Variants in MAP3K21 observed in about 807,000 individuals in gnomAD.
MAP3K21 encodes the protein mitogen-activated protein kinase kinase kinase MLK4.
A neutral mutation model predicts 86.1 loss-of-function variants in MAP3K21; 63 were observed. The observed-to-expected ratio is 0.73, with a 90% confidence interval of 0.60 to 0.90. The LOEUF (loss-of-function observed/expected upper bound fraction) is 0.90, where lower values mean the gene tolerates loss of function less well. Among genes scored for constraint, MAP3K21 ranks in the 40% least tolerant of loss-of-function variants. The pLI is 0.00. For synonymous variants in MAP3K21, 558 were observed against 564.8 expected, an observed-to-expected ratio of 0.99 and a Z score of 0.17; for missense variants, 1,220 against 1,367.7, an observed-to-expected ratio of 0.89 and a Z score of 1.70.
intron 8 of MAP3K21, among the ~76,000 whole-genome samples, chr1:233,378,284 TG>T (rs1663837815): frequency 1.3e-5 from 2 of 152,276 alleles, no homozygotes; most frequent in African/African-American, 4.8e-5. Context: ...TTGTAACCTT[TG>T]GGATTCTGTA....
Position 233,379,201 on chromosome 1 carries a change from C to T in MAP3K21, c.2195C>T (p.Ser732Leu), listed in dbSNP as rs750067830. Residue 732 changes from serine (S) to leucine (L), a missense_variant, in exon 9 of 10, where the codon TCG (serine) becomes TTG (leucine). Ser to Leu is a moderately radical substitution (Grantham distance 145, BLOSUM62 -2). This residue lies in a region of MAP3K21 where 632 missense variants were observed against 691.3 expected (regional missense o/e 0.91). Transcript: ENST00000366624. ...TATGGGTGCACCGTCCTTCTGGCAT[C>T]GGTGGCTCTGGGACTGGACCTCAGA... is the stretch of plus-strand genomic sequence containing the variant. ...ALYGCTVLLA[S>L]VALGLDLREL... The T allele has an allele frequency of 4.2e-5, 67 of 1,614,046 alleles. No homozygotes were observed. Among genetic ancestry groups the T allele is most frequent in the Non-Finnish European group, 5.3e-5 (62 of 1,180,032 alleles).
chr1:233,356,065 C>T (rs4649305), intron 4 of MAP3K21, among the ~76,000 whole-genome samples: 42,029 of 151,988 alleles, frequency 0.28, 6,089 homozygotes, highest in Admixed American at 0.35. Flanking sequence ...CCTTGGCACA[C>T]GTTCTTTCCT....
intron 4 of MAP3K21, among the ~76,000 whole-genome samples, chr1:233,356,839 C>T (rs974263300): frequency 6.6e-6 from 1 of 152,172 alleles, no homozygotes; most frequent in African/African-American, 2.4e-5. Context: ...ACCAATTTTA[C>T]TATAGGCTGA....
At chr1:233,378,603 G>A (rs1254367455) in intron 8 of MAP3K21, among the ~76,000 whole-genome samples, 1 of 152,228 alleles carries the variant, frequency 6.6e-6, no homozygotes, top group African/African-American at 2.4e-5. Flanking sequence ...TAGTGATTTT[G>A]TGCCTATGGT....
In MAP3K21 at chr1:233,328,508, C is replaced by CGCG. The variant is rs752941231; in HGVS notation, c.489_491dup (p.Ala165dup). ...CGGCGCGCCAGGACCCGGAGCAGGACGCGGCGGCGGCTGCCGAGAGCGTGC... is the reference window on the plus strand; with the variant it reads ...CGGCGCGCCAGGACCCGGAGCAGGACGCGGCGGCGGCGGCTGCCGAGAGCGTGC... On this transcript the variant is annotated inframe_insertion, in exon 1 of 10. Transcript: ENST00000366624. This position sits in a 1 kb window ranked among gnomAD's most constrained non-coding sequence, Gnocchi z 8.7. The CGCG allele has an allele frequency of 6.6e-7, 1 of 1,525,316 alleles. No homozygotes were observed. Among genetic ancestry groups the CGCG allele is most frequent in the South Asian group, 1.2e-5 (1 of 82,430 alleles). The allele number at this position is 1,525,316 out of a possible 1,614,324, so 94.5% of individuals were successfully genotyped here. A position where few individuals can be genotyped will look rare whatever the true frequency, so the allele number is the denominator to read the frequency against.
intron 4 of MAP3K21, among the ~76,000 whole-genome samples, chr1:233,355,712 C>T (rs932589709): frequency 5.9e-5 from 9 of 152,130 alleles, no homozygotes; most frequent in Admixed American, 5.2e-4. Flanking sequence ...ACTGTTCTCC[C>T]AGGTACCCAG....
chr1:233,376,163 T>G, intron 7 of MAP3K21, 97 bp downstream of exon 7: 2 of 1,034,754 alleles, frequency 1.9e-6, no homozygotes. Context: ...AGCAAGTAAA[T>G]TAATAGAGAG....
intron 2 of MAP3K21, among the ~76,000 whole-genome samples, chr1:233,349,465 T>C (rs1188718335): frequency 2.0e-5 from 3 of 152,178 alleles, no homozygotes; most frequent in African/African-American, 7.2e-5. Flanking sequence ...TCATGCTCTA[T>C]AGCAACCTTG....
chr1:233,328,733 C>G lies in MAP3K21; in HGVS notation c.705C>G (p.His235Gln), dbSNP rs763384075. 4 of 1,456,410 alleles carry G rather than the reference C, an allele frequency of 2.7e-6. No individual in the cohort carries two copies. Among genetic ancestry groups the G allele is most frequent in the African/African-American group, 1.5e-5 (1 of 68,340 alleles). The allele number at this position is 1,456,410 out of a possible 1,614,324, so 90.2% of individuals were successfully genotyped here. Residue 235 changes from histidine to glutamine, a missense_variant, in exon 1 of 10, where the codon CAC (histidine) becomes CAG (glutamine). By Grantham distance (24) the His-to-Gln change is conservative. This residue lies in a region of MAP3K21 where 369 missense variants were observed against 385.3 expected (regional missense o/e 0.96). Coordinates refer to ENST00000366624, the MANE Select transcript of MAP3K21 (RefSeq NM_032435.3). This position sits in a 1 kb window ranked among gnomAD's most constrained non-coding sequence, Gnocchi z 8.7. ...GPRRARRIPP[H>Q]VLVNWAVQIA... ...GCCGCGCGCGCCGCATCCCTCCGCA[C>G]GTGCTGGTCAACTGGGCCGTGCAGA...
In MAP3K21 at chr1:233,354,843, G is replaced by C. The variant is rs769706439; in HGVS notation, c.1143G>C (p.Trp381Cys). Residue 381 changes from tryptophan (W) to cysteine (C), a missense_variant, in exon 4 of 10, where the codon TGG (tryptophan) becomes TGC (cysteine). This residue lies in a region of MAP3K21 where 126 missense variants were observed against 127.7 expected (regional missense o/e 0.99). Transcript: ENST00000366624. ...GATTTTTGTTTATTTTAGAATGCTGGCAACAAGACCCTCATATTCGTCCAT... is the reference window on the plus strand; with the variant it reads ...GATTTTTGTTTATTTTAGAATGCTGCCAACAAGACCCTCATATTCGTCCAT... ...EPFAKLMKECWQQDPHIRPSF... is the reference protein window; with the variant it reads ...EPFAKLMKECCQQDPHIRPSF... The C allele has an allele frequency of 5.6e-6, 9 of 1,613,566 alleles. No homozygotes were observed. The highest frequency in any genetic ancestry group is 1.3e-5 in the African/African-American group (1 of 74,934).
At position 233,328,975 on chromosome 1, in the gene MAP3K21, C is replaced by A; in HGVS notation, c.805+142C>A. The A allele has an allele frequency of 1.3e-6, 1 of 796,110 alleles. No individual in the cohort carries two copies. Among genetic ancestry groups the A allele is most frequent in the Non-Finnish European group, 1.7e-6 (1 of 586,984 alleles). 49.3% of individuals were successfully genotyped at this position (796,110 alleles called of 1,614,324 possible). A position where few individuals can be genotyped will look rare whatever the true frequency, so the allele number is the denominator to read the frequency against. The stretch of plus-strand genomic sequence containing the variant: ...AACTCATGCCCAGGCCTTCAGGGCT[C>A]GGAAGTCCAGCTAGTCCTTGGTTAC... On this transcript the variant is annotated intron_variant, in intron 1 of 9. Coordinates refer to ENST00000366624, the MANE Select transcript of MAP3K21 (RefSeq NM_032435.3). This position sits in a 1 kb window ranked among gnomAD's most constrained non-coding sequence, Gnocchi z 8.7.
rs1663480117 is a variant in MAP3K21, at chr1:233,362,288, C to T, written c.1547C>T (p.Pro516Leu). 1 of 1,613,886 alleles carries T rather than the reference C, an allele frequency of 6.2e-7. No individual in the cohort carries two copies. Among genetic ancestry groups the T allele is most frequent in the African/African-American group, 1.3e-5 (1 of 74,908 alleles). Residue 516 changes from proline to leucine, a missense_variant, in exon 5 of 10, where the codon CCT (proline) becomes CTT (leucine). Physicochemically the swap from Pro to Leu is moderately conservative, Grantham distance 98 (BLOSUM62 -3). Coordinates refer to ENST00000366624, the MANE Select transcript of MAP3K21 (RefSeq NM_032435.3). ...KLKDGHRISL[P>L]SDFQHKITVQ... The stretch of plus-strand genomic sequence containing the variant: ...AAAGATGGACATCGAATCAGTTTAC[C>T]TTCAGGTATGATCTTGTTTTTATGT...
rs1267825362 is a variant in MAP3K21 at position 233,376,470 on chromosome 1, A to G, written c.1867A>G (p.Ile623Val). ...LSDGNSPWST[I>V]LIKNQKTMPL... ...CGATGGCAACAGTCCTTGGTCAACT[A>G]TCTTAATAAAAAATCAGAAAACCAT... The change falls in exon 8 of 10, where the codon ATC becomes GTC. Residue 623 changes from isoleucine (I) to valine (V), a missense_variant. Physicochemically the swap from Ile to Val is conservative, Grantham distance 29. Transcript: ENST00000366624. 7 of 1,613,672 alleles carry G rather than the reference A, an allele frequency of 4.3e-6. No homozygotes were observed. Among genetic ancestry groups the G allele is most frequent in the East Asian group, 2.2e-5 (1 of 44,880 alleles).
chr1:233,360,305 CAT>C (rs1307325880), intron 4 of MAP3K21, among the ~76,000 whole-genome samples: 1 of 152,050 alleles, frequency 6.6e-6, no homozygotes, highest in African/African-American at 2.4e-5. Context: ...GATTTTTTAA[CAT>C]GTAACATTTT....
intron 1 of MAP3K21, among the ~76,000 whole-genome samples, chr1:233,332,500 C>T (rs953318086): frequency 6.6e-6 from 1 of 152,178 alleles, no homozygotes; most frequent in African/African-American, 2.4e-5. Context: ...AGGCCTCCCT[C>T]TGCTGTGCAC....
chr1:233,346,415 A>G (rs202086422), intron 1 of MAP3K21, 27 bp from the exon 2 acceptor site: 1 of 1,551,908 alleles, frequency 6.4e-7, no homozygotes, highest in East Asian at 2.3e-5. Flanking sequence ...AGAATATGCA[A>G]ATGTCTCACT....
intron 9 of MAP3K21, among the ~76,000 whole-genome samples, chr1:233,380,689 T>C (rs1291530428): frequency 1.3e-5 from 2 of 152,240 alleles, no homozygotes; most frequent in Non-Finnish European, 2.9e-5. Context: ...CCAGTGGTAT[T>C]TCCACAGCAC....
chr1:233,372,599 T>C (rs1459269233), intron 6 of MAP3K21: 6 of 169,970 alleles, frequency 3.5e-5, no homozygotes. Context: ...TTTAATTCAC[T>C]TTAGGTTTGA....
chr1:233,361,969 G>T, intron 4 of MAP3K21, 84 bp from the exon 5 acceptor site: 1 of 1,492,448 alleles, frequency 6.7e-7, no homozygotes, highest in Admixed American at 2.2e-5. Flanking sequence ...GCCCGTGGCC[G>T]AGGGGTCGCC....
Sources: gnomAD v4.1 joint callset for allele counts (sites outside exome capture counted in the v4.1 genomes callset) on GRCh38, gnomAD v4.1.1 for gene constraint, gnomAD v4.1.1 regional missense constraint, Gnocchi (gnomAD v3.1) non-coding constraint, MANE v1.5 for transcripts, NCBI Gene and HGNC (gene_info 2026-07-23, HGNC 2026-07-21) for gene names.